CCDC91: variants seen among roughly 807,000 people sequenced by gnomAD.
CCDC91 encodes the protein coiled-coil domain containing 91, also known as coiled-coil domain-containing protein 91.
A neutral mutation model predicts 63.2 loss-of-function variants in CCDC91; 48 were observed. The observed-to-expected ratio is 0.76, with a 90% CI of 0.60 to 0.97. The LOEUF (loss-of-function observed/expected upper bound fraction) is 0.97, where lower values mean the gene tolerates loss of function less well. CCDC91 is among the 50% of genes least tolerant of loss of function. The probability of loss-of-function intolerance (pLI) is 0.00; values close to 1 mark genes in which losing one functional copy is unlikely to be tolerated. For synonymous variants in CCDC91, 167 were observed against 165.8 expected, an observed-to-expected ratio of 1.01 and a Z score of -0.06; for missense variants, 500 against 494.6, an observed-to-expected ratio of 1.01 and a Z score of -0.10.
chr12:28,198,194 G>A (rs796746605), intron 1 of CCDC91, among the ~76,000 whole-genome samples: 6 of 152,168 alleles, frequency 3.9e-5, no homozygotes, highest in African/African-American at 1.4e-4. Context: ...ATTATATTCA[G>A]CCCTGTGGTT....
At chr12:28,307,885 G>T in intron 6 of CCDC91, 136 bp downstream of exon 6, 1 of 587,838 alleles carries the variant, frequency 1.7e-6, no homozygotes, top group Non-Finnish European at 3.0e-6. Context: ...TGACCAACAT[G>T]GGCTAAATTA....
chr12:28,520,840 A>G (rs1170347351), intron 12 of CCDC91, among the ~76,000 whole-genome samples: 1 of 152,150 alleles, frequency 6.6e-6, no homozygotes, highest in Non-Finnish European at 1.5e-5. Context: ...TCGTTTCCCC[A>G]TTTCTTGTTT....
intron 8 of CCDC91, among the ~76,000 whole-genome samples, chr12:28,421,275 G>C (rs982389323): frequency 6.6e-6 from 1 of 151,996 alleles, no homozygotes; most frequent in Admixed American, 6.6e-5. Context: ...GTTGTGTGTC[G>C]TGGGGATTTG....
intron 3 of CCDC91, among the ~76,000 whole-genome samples, chr12:28,289,251 T>G (rs1949076505): frequency 6.6e-6 from 1 of 152,130 alleles, no homozygotes; most frequent in Non-Finnish European, 1.5e-5. Flanking sequence ...CTTGGTTTTC[T>G]AGTTCTCTTA....
intron 7 of CCDC91, among the ~76,000 whole-genome samples, chr12:28,387,513 A>G (rs1028296388): frequency 1.3e-5 from 2 of 152,052 alleles, no homozygotes; most frequent in Admixed American, 6.5e-5. Context: ...ACTGAACCCA[A>G]TTTGTAGACT....
chr12:28,196,034 G>A (rs570794592), intron 1 of CCDC91, among the ~76,000 whole-genome samples: 1 of 152,200 alleles, frequency 6.6e-6, no homozygotes, highest in Non-Finnish European at 1.5e-5. Context: ...GAGCCTGGGA[G>A]GTAGAGGCTG....
intron 12 of CCDC91, among the ~76,000 whole-genome samples, chr12:28,519,298 G>T (rs1940317304): frequency 6.6e-6 from 1 of 151,504 alleles, no homozygotes; most frequent in East Asian, 1.9e-4. Flanking sequence ...TTGTTTGTTT[G>T]TTTTGTTTTG....
intron 8 of CCDC91, among the ~76,000 whole-genome samples, chr12:28,406,277 TA>T (rs58830565): frequency 0.063 from 8,145 of 128,468 alleles, 264 homozygotes; most frequent in East Asian, 0.21. Context: ...GTTCTTCCAA[TA>T]AAAAAAAAAA....
At chr12:28,438,334 C>CT (rs1949015279) in intron 8 of CCDC91, among the ~76,000 whole-genome samples, 1 of 152,088 alleles carries the variant, frequency 6.6e-6, no homozygotes, top group African/African-American at 2.4e-5. Flanking sequence ...TTTGGCTCTT[C>CT]TACCATGTGA....
At chr12:28,478,791 A>G (rs1951268946) in intron 11 of CCDC91, among the ~76,000 whole-genome samples, 1 of 152,156 alleles carries the variant, frequency 6.6e-6, no homozygotes, top group Non-Finnish European at 1.5e-5. Flanking sequence ...CCCCATCAAA[A>G]AGTGGGCAAA....
intron 6 of CCDC91, among the ~76,000 whole-genome samples, chr12:28,330,443 G>A (rs778004367): frequency 5.3e-5 from 8 of 151,354 alleles, no homozygotes; most frequent in African/African-American, 1.2e-4. Flanking sequence ...CATATCTGTC[G>A]CCCACTTTTT....
rs1941900765 is a variant in CCDC91, at chr12:28,197,843, T to C, written c.-15+7202T>C. Among the ~76,000 whole-genome samples, 2 of 152,156 alleles carry C rather than the reference T, an allele frequency of 1.3e-5. 1 individual carries two copies. Among genetic ancestry groups the C allele is most frequent in the African/African-American group, 4.8e-5 (2 of 41,470 alleles). Reference sequence around the variant, plus strand: ...ATTTTCTAAGTGGCGTAAAGATTATTGTTGGCTATATGCCATACAATTTTA... The same window carrying C: ...ATTTTCTAAGTGGCGTAAAGATTATCGTTGGCTATATGCCATACAATTTTA... On this transcript the variant is annotated intron_variant, in intron 1 of 12. Transcript: ENST00000536442.
intron 6 of CCDC91, among the ~76,000 whole-genome samples, chr12:28,338,382 A>G (rs1180236526): frequency 6.6e-6 from 1 of 150,690 alleles, no homozygotes; most frequent in Non-Finnish European, 1.5e-5. Flanking sequence ...GGTTTGTTAC[A>G]TATGTATACA....
chr12:28,420,173 T>A (rs1947916637), intron 8 of CCDC91, among the ~76,000 whole-genome samples: 1 of 152,044 alleles, frequency 6.6e-6, no homozygotes, highest in Admixed American at 6.6e-5. Flanking sequence ...GGTAACAAAA[T>A]TTGGATTTGA....
Position 28,453,374 on chromosome 12 carries a change from A to G in CCDC91, c.1101+720A>G, listed in dbSNP as rs1949908738. On this transcript the variant is annotated intron_variant, in intron 11 of 12. Coordinates refer to ENST00000536442, the MANE Select transcript of CCDC91 (RefSeq NM_018318.5). ...ATTCATAGAAGTCTAACATGTTCAA[A>G]CTGTTAAATATACTACAATTGTTCA... 2.0e-5 allele frequency among the ~76,000 whole-genome samples: 3 copies of G among 152,030 alleles called. No homozygotes were observed. The East Asian group carries it at 5.8e-4, about 29-fold the overall frequency.
chr12:28,436,049 CTCTG>C (rs1314182881), intron 8 of CCDC91, among the ~76,000 whole-genome samples: 1 of 151,680 alleles, frequency 6.6e-6, no homozygotes, highest in African/African-American at 2.4e-5. Context: ...CTCTGACAAT[CTCTG>C]TCTTTTAATT....
intron 6 of CCDC91, among the ~76,000 whole-genome samples, chr12:28,338,321 T>C (rs1255535076): frequency 6.6e-6 from 1 of 151,960 alleles, no homozygotes; most frequent in Non-Finnish European, 1.5e-5. Flanking sequence ...ATAGTGTTTT[T>C]TTTTTTTATT....
At chr12:28,339,498 A>G (rs564139055) in intron 6 of CCDC91, among the ~76,000 whole-genome samples, 2 of 151,986 alleles carry the variant, frequency 1.3e-5, no homozygotes, top group East Asian at 3.9e-4. Context: ...GTATCTGCAG[A>G]TTTGATCGAC....
intron 8 of CCDC91, among the ~76,000 whole-genome samples, chr12:28,395,795 A>G (rs1195297986): frequency 6.6e-6 from 1 of 152,202 alleles, no homozygotes; most frequent in Non-Finnish European, 1.5e-5. Context: ...TTACACCTAT[A>G]TAATGAAACT....
Sources: gnomAD v4.1 joint callset for allele counts (sites outside exome capture counted in the v4.1 genomes callset) on GRCh38, gnomAD v4.1.1 for gene constraint, MANE v1.5 for transcripts, NCBI Gene and HGNC (gene_info 2026-07-23, HGNC 2026-07-21) for gene names.